CRPPA: variants seen among roughly 807,000 people sequenced by gnomAD.
CRPPA encodes D-ribitol-5-phosphate cytidylyltransferase.
A neutral mutation model predicts 52.0 loss-of-function variants in CRPPA; 43 were observed. The ratio of observed to expected loss-of-function variants is 0.83; its 90% CI spans 0.65 to 1.07. The LOEUF (loss-of-function observed/expected upper bound fraction) is 1.07. CRPPA is among the 50% of genes least tolerant of loss of function. The probability of loss-of-function intolerance (pLI) is 0.00; values close to 1 mark genes in which losing one functional copy is unlikely to be tolerated. For synonymous variants in CRPPA, 250 were observed against 203.5 expected (o/e 1.23, Z -1.94); for missense variants, 629 against 551.7 (o/e 1.14, Z -1.40).
chr7:16,120,226 A>G (rs1027128169), intron 9 of CRPPA, among the ~76,000 whole-genome samples: 2 of 152,188 alleles, frequency 1.3e-5, no homozygotes, highest in Admixed American at 1.3e-4. Flanking sequence ...GGTCTGTATC[A>G]TCCGGTTTTA....
intron 9 of CRPPA, among the ~76,000 whole-genome samples, chr7:16,122,294 A>C (rs1583371655): frequency 6.6e-6 from 1 of 152,092 alleles, no homozygotes; most frequent in East Asian, 1.9e-4. Flanking sequence ...TCTGGCAGCT[A>C]TAAATAATTA....
chr7:16,380,970 T>A (rs1376909221), intron 2 of CRPPA, among the ~76,000 whole-genome samples: 1 of 151,620 alleles, frequency 6.6e-6, no homozygotes, highest in Non-Finnish European at 1.5e-5. Flanking sequence ...TTTTGAAGGG[T>A]TTTTTGTGTC....
chr7:16,222,811 T>G (rs1782555640), intron 8 of CRPPA, among the ~76,000 whole-genome samples: 1 of 152,176 alleles, frequency 6.6e-6, no homozygotes, highest in African/African-American at 2.4e-5. Flanking sequence ...TTTAAAAATT[T>G]TTACTGATAC....
intron 9 of CRPPA, among the ~76,000 whole-genome samples, chr7:16,109,055 C>T (rs1414513654): frequency 6.6e-6 from 1 of 150,940 alleles, no homozygotes; most frequent in Non-Finnish European, 1.5e-5. Context: ...CTTAAGTTAG[C>T]AGAAAAAAAG....
intron 9 of CRPPA, among the ~76,000 whole-genome samples, chr7:16,170,714 AGCCCTGCCCT>A (rs1377245535): frequency 2.0e-5 from 3 of 152,154 alleles, no homozygotes; most frequent in African/African-American, 4.8e-5. Context: ...GCAGGTCCCG[AGCCCTGCCCT>A]GCAGGGAGGC....
At chr7:16,297,568 AC>A (rs1213205414) in intron 5 of CRPPA, among the ~76,000 whole-genome samples, 4 of 152,168 alleles carry the variant, frequency 2.6e-5, no homozygotes, top group African/African-American at 9.7e-5. Context: ...CATTCTTTCC[AC>A]CTTCATTGAA....
intron 9 of CRPPA, among the ~76,000 whole-genome samples, chr7:16,147,822 T>C (rs1783002853): frequency 6.6e-6 from 1 of 152,192 alleles, no homozygotes; most frequent in Non-Finnish European, 1.5e-5. Context: ...CCTATAAAAC[T>C]TGATATTCAT....
chr7:16,244,444 T>C (rs566095280), intron 8 of CRPPA, among the ~76,000 whole-genome samples: 1 of 152,344 alleles, frequency 6.6e-6, no homozygotes, highest in Non-Finnish European at 1.5e-5. Flanking sequence ...CAAAGTTACA[T>C]GACCCTTTAG....
chr7:16,301,970 T>G (rs999458085), intron 4 of CRPPA, among the ~76,000 whole-genome samples: 2 of 152,130 alleles, frequency 1.3e-5, no homozygotes, highest in African/African-American at 4.8e-5. Context: ...TTATTAAAAA[T>G]GTGGCTAAAA....
intron 9 of CRPPA, among the ~76,000 whole-genome samples, chr7:16,156,196 G>C (rs1295505419): frequency 6.6e-6 from 1 of 151,142 alleles, no homozygotes; most frequent in Non-Finnish European, 1.5e-5. Flanking sequence ...AATTGGCCAA[G>C]GTTCAGACTT....
chr7:16,286,066 T>TTTAAAAAAAAAAAAAAA (rs1562608525), intron 5 of CRPPA, among the ~76,000 whole-genome samples: 5 of 25,828 alleles, frequency 1.9e-4, no homozygotes, highest in East Asian at 7.9e-4. Flanking sequence ...TATATATATA[T>TTTAAAAAAAAAAAAAAA]ATATATATAT....
chr7:16,090,850 A>G lies in CRPPA; in HGVS notation c.*845T>C, dbSNP rs972454232. ...AATATTTCAGATGTATATACCAATG[A>G]AAACTGGAAATAAGAACTTGATTTT... On this transcript the variant is annotated 3_prime_UTR_variant, in exon 10 of 10. Transcript: ENST00000407010. The G allele has an allele frequency of 1.3e-5, 2 of 152,226 alleles. No individual in the cohort carries two copies. Among genetic ancestry groups the G allele is most frequent in the Non-Finnish European group, 2.9e-5 (2 of 68,034 alleles). 9.4% of individuals were successfully genotyped at this position (152,226 alleles called of 1,614,324 possible). A position where few individuals can be genotyped will look rare whatever the true frequency, so the allele number is the denominator to read the frequency against.
At chr7:16,264,665 G>A (rs1232011195) in intron 6 of CRPPA, among the ~76,000 whole-genome samples, 1 of 152,194 alleles carries the variant, frequency 6.6e-6, no homozygotes, top group Non-Finnish European at 1.5e-5. Flanking sequence ...CTCTGAGTCT[G>A]AATCTTCCAA....
intron 8 of CRPPA, among the ~76,000 whole-genome samples, chr7:16,216,729 G>A (rs1004169757): frequency 1.4e-4 from 21 of 152,290 alleles, no homozygotes; most frequent in Admixed American, 1.0e-3. Flanking sequence ...TGCGCTTTTC[G>A]GACCAGCTTA....
At chr7:16,365,173 G>T (rs936946985) in intron 3 of CRPPA, among the ~76,000 whole-genome samples, 2 of 152,162 alleles carry the variant, frequency 1.3e-5, no homozygotes, top group African/African-American at 4.8e-5. Flanking sequence ...CCATGATACA[G>T]GTCATAGGAT....
chr7:16,216,735 G>C (rs1330258609), intron 8 of CRPPA, among the ~76,000 whole-genome samples: 1 of 151,804 alleles, frequency 6.6e-6, no homozygotes, highest in Non-Finnish European at 1.5e-5. Flanking sequence ...TTTCGGACCA[G>C]CTTAAAAAAC....
chr7:16,181,986 T>C (rs889611579), intron 9 of CRPPA, among the ~76,000 whole-genome samples: 5 of 151,984 alleles, frequency 3.3e-5, no homozygotes, highest in Non-Finnish European at 7.4e-5. Flanking sequence ...AGAACCATTA[T>C]AGCTATATCA....
intron 9 of CRPPA, among the ~76,000 whole-genome samples, chr7:16,143,422 G>A (rs566364434): frequency 3.3e-5 from 5 of 152,292 alleles, no homozygotes; most frequent in African/African-American, 9.6e-5. Context: ...ATGAAGAGAT[G>A]TATTTAAGCC....
chr7:16,110,182 T>C (rs1228075047), intron 9 of CRPPA, among the ~76,000 whole-genome samples: 1 of 152,028 alleles, frequency 6.6e-6, no homozygotes, highest in Non-Finnish European at 1.5e-5. Context: ...GTCACATTCA[T>C]GATAGCTGTA....
Sources: gnomAD v4.1 joint callset for allele counts (sites outside exome capture counted in the v4.1 genomes callset) on GRCh38, gnomAD v4.1.1 for gene constraint, MANE v1.5 for transcripts, NCBI Gene and HGNC (gene_info 2026-07-23, HGNC 2026-07-21) for gene names.